Variants in PRKCE observed in about 807,000 individuals in gnomAD.
PRKCE encodes protein kinase C epsilon, also known as protein kinase C epsilon type.
A neutral mutation model predicts 85.4 loss-of-function variants in PRKCE; 16 were observed. The observed-to-expected ratio is 0.19, with a 90% confidence interval of 0.13 to 0.28. The LOEUF (loss-of-function observed/expected upper bound fraction) is 0.28. PRKCE is among the 10% of genes least tolerant of loss of function. The pLI is 1.00. For missense variants in PRKCE, 573 were observed against 975.2 expected, an observed-to-expected ratio of 0.59 and a Z score of 5.49; for synonymous variants, 388 against 371.5, an observed-to-expected ratio of 1.04 and a Z score of -0.51.
At chr2:45,986,356 G>A (rs1159317693) in intron 6 of PRKCE, among the ~76,000 whole-genome samples, 1 of 152,174 alleles carries the variant, frequency 6.6e-6, no homozygotes, top group African/African-American at 2.4e-5. Context: ...AAAGACAGTG[G>A]CAAAGGAGAG....
intron 2 of PRKCE, among the ~76,000 whole-genome samples, chr2:45,865,513 G>A (rs544999532): frequency 6.6e-6 from 1 of 152,296 alleles, no homozygotes; most frequent in African/African-American, 2.4e-5. Flanking sequence ...TGTTGAATAT[G>A]TCCCCTCCAA....
chr2:46,014,453 CTG>C (rs1196547207), intron 10 of PRKCE, among the ~76,000 whole-genome samples: 2 of 152,096 alleles, frequency 1.3e-5, no homozygotes, highest in African/African-American at 4.8e-5. Context: ...TCACAAAAAA[CTG>C]TATCTGTTGA....
At chr2:45,675,552 T>G (rs1676395602) in intron 1 of PRKCE, 1 of 152,252 alleles carries the variant, frequency 6.6e-6, no homozygotes, top group Non-Finnish European at 1.5e-5. Flanking sequence ...TAAACCGGTC[T>G]GACGAGTTTT....
intron 1 of PRKCE, among the ~76,000 whole-genome samples, chr2:45,769,785 TG>T (rs1482552170): frequency 1.3e-5 from 2 of 152,244 alleles, no homozygotes; most frequent in African/African-American, 4.8e-5. Flanking sequence ...CAGATTAACC[TG>T]TGGATGTTTA....
At chr2:45,659,878 C>T (rs1486286324) in intron 1 of PRKCE, among the ~76,000 whole-genome samples, 2 of 149,486 alleles carry the variant, frequency 1.3e-5, no homozygotes, top group Non-Finnish European at 3.0e-5. Flanking sequence ...CTATCTGATA[C>T]GCTATTTAGT....
In PRKCE at chr2:46,007,448, C is replaced by T; in HGVS notation, c.1064-14C>T. ...GTATGCACTAATGCAATTTCTTGTT[C>T]CCCTTGGCCCTAGAAATAAAAGAAC... On this transcript the variant is annotated splice_polypyrimidine_tract_variant and intron_variant, in intron 8 of 14. Coordinates refer to ENST00000306156, the MANE Select transcript of PRKCE (RefSeq NM_005400.3). 1 of 1,599,582 alleles carries T rather than the reference C, an allele frequency of 6.3e-7. No homozygotes were observed.
chr2:45,817,600 A>G (rs539401499), intron 1 of PRKCE, among the ~76,000 whole-genome samples: 7 of 152,182 alleles, frequency 4.6e-5, no homozygotes, highest in Non-Finnish European at 7.3e-5. Context: ...AGGCTGAGGC[A>G]GGAGAATGGC....
intron 1 of PRKCE, among the ~76,000 whole-genome samples, chr2:45,754,010 A>G (rs979369898): frequency 6.6e-6 from 1 of 152,194 alleles, no homozygotes. Context: ...TTGAATGAGG[A>G]GATGAACAAG....
intron 1 of PRKCE, among the ~76,000 whole-genome samples, chr2:45,840,131 C>G (rs1691226393): frequency 6.6e-6 from 1 of 152,196 alleles, no homozygotes; most frequent in Admixed American, 6.5e-5. Flanking sequence ...ACACAGATAG[C>G]ATTGTACTTT....
intron 2 of PRKCE, among the ~76,000 whole-genome samples, chr2:45,927,027 G>A (rs1006962735): frequency 2.6e-5 from 4 of 152,172 alleles, no homozygotes; most frequent in African/African-American, 9.7e-5. Flanking sequence ...ATGAACGTGT[G>A]AGTGTGCATG....
At chr2:45,968,902 A>G (rs1013062369) in intron 2 of PRKCE, among the ~76,000 whole-genome samples, 1 of 151,988 alleles carries the variant, frequency 6.6e-6, no homozygotes, top group African/African-American at 2.4e-5. Flanking sequence ...CCTGTGGTGC[A>G]GACTGAGAAG....
intron 1 of PRKCE, among the ~76,000 whole-genome samples, chr2:45,792,211 G>A (rs1472378038): frequency 6.6e-6 from 1 of 152,004 alleles, no homozygotes; most frequent in Non-Finnish European, 1.5e-5. Context: ...GGGGTGTCCT[G>A]GCTTTTAACA....
At chr2:45,979,065 C>T (rs970048711) in intron 4 of PRKCE, 55 bp downstream of exon 4, 4 of 1,541,156 alleles carry the variant, frequency 2.6e-6, no homozygotes, top group Non-Finnish European at 3.5e-6. Flanking sequence ...ATCCAGATCA[C>T]TGGCACCCAT....
chr2:45,888,070 T>G (rs1245763148), intron 2 of PRKCE, among the ~76,000 whole-genome samples: 1 of 152,206 alleles, frequency 6.6e-6, no homozygotes, highest in Non-Finnish European at 1.5e-5. Context: ...AGTCAGCAGA[T>G]GAAAACAGAA....
intron 10 of PRKCE, chr2:46,073,620 A>C (rs1668267392): frequency 6.6e-6 from 1 of 152,062 alleles, no homozygotes; most frequent in African/African-American, 2.4e-5. Flanking sequence ...AGCAGAACCC[A>C]ACAGGAGCAG....
At chr2:46,130,683 C>T (rs1195763689) in intron 11 of PRKCE, among the ~76,000 whole-genome samples, 4 of 152,224 alleles carry the variant, frequency 2.6e-5, no homozygotes, top group Non-Finnish European at 5.9e-5. Flanking sequence ...AATATTCCTT[C>T]CGCAGACCTC....
At chr2:45,673,018 G>T (rs1676251321) in intron 1 of PRKCE, among the ~76,000 whole-genome samples, 1 of 152,178 alleles carries the variant, frequency 6.6e-6, no homozygotes, top group Non-Finnish European at 1.5e-5. Context: ...CAGAGCAACA[G>T]AGCAAGTCCC....
chr2:45,703,258 G>A (rs114564398), intron 1 of PRKCE, among the ~76,000 whole-genome samples: 2,677 of 152,162 alleles, frequency 0.018, 83 homozygotes, highest in African/African-American at 0.061. Flanking sequence ...CCTTGGGCTG[G>A]GTGTGGTGGC....
At chr2:45,671,999 G>A (rs1283982831) in intron 1 of PRKCE, among the ~76,000 whole-genome samples, 1 of 147,184 alleles carries the variant, frequency 6.8e-6, no homozygotes, top group Admixed American at 7.0e-5. Flanking sequence ...AAAGGTCAAA[G>A]GTACAATGAG....
Sources: gnomAD v4.1 joint callset for allele counts (sites outside exome capture counted in the v4.1 genomes callset) on GRCh38, gnomAD v4.1.1 for gene constraint, MANE v1.5 for transcripts, NCBI Gene and HGNC (gene_info 2026-07-23, HGNC 2026-07-21) for gene names.